TEAD2: variants seen among roughly 807,000 people sequenced by gnomAD.
The protein encoded by TEAD2 is TEA domain transcription factor 2.
Under a neutral mutation model 61.4 loss-of-function variants are expected in TEAD2, and 51 were observed. The observed-to-expected ratio is 0.83, with a 90% CI of 0.66 to 1.05. The LOEUF (loss-of-function observed/expected upper bound fraction) is 1.05, where lower values mean the gene tolerates loss of function less well. Ranked by LOEUF, TEAD2 falls within the 50% of genes least tolerant of loss-of-function variation. The probability of loss-of-function intolerance (pLI) is 0.00; values close to 1 mark genes in which losing one functional copy is unlikely to be tolerated. For missense variants in TEAD2, 509 were observed against 600.0 expected, an observed-to-expected ratio of 0.85 and a Z score of 1.58; for synonymous variants, 244 against 243.2, an observed-to-expected ratio of 1.00 and a Z score of -0.03.
chr19:49,342,227 A>ACCCCATCAGTT (rs1555781361), intron 12 of TEAD2, among the ~76,000 whole-genome samples: 1 of 151,106 alleles, frequency 6.6e-6, no homozygotes, highest in Non-Finnish European at 1.5e-5. Flanking sequence ...TGACATCCCC[A>ACCCCATCAGTT]CCCTGGGTGA....
chr19:49,355,278 G>T (rs777294428), intron 6 of TEAD2, 34 bp downstream of exon 6: 5 of 1,613,306 alleles, frequency 3.1e-6, no homozygotes, highest in Middle Eastern at 1.7e-4. Flanking sequence ...ATCCCCCTTT[G>T]CCCCCACGTC....
chr19:49,345,307 CTTCT>C (rs1018716008), intron 10 of TEAD2, among the ~76,000 whole-genome samples: 15 of 150,242 alleles, frequency 1.0e-4, no homozygotes, highest in African/African-American at 2.7e-4. Flanking sequence ...TCCTTCCTTC[CTTCT>C]TTCTTTCCTT....
At chr19:49,349,563 TC>T (rs143756258) in intron 8 of TEAD2, among the ~76,000 whole-genome samples, 2,668 of 152,124 alleles carry the variant, frequency 0.018, 74 homozygotes, top group African/African-American at 0.055. Context: ...CTTGGTGCCT[TC>T]CCCATAGTAA....
At chr19:49,357,362 T>C (rs1207275050) in intron 3 of TEAD2, 48 bp from the exon 4 acceptor site, 1 of 1,582,858 alleles carries the variant, frequency 6.3e-7, no homozygotes, top group East Asian at 2.2e-5. Flanking sequence ...CCACCGCCCC[T>C]GTGTTCACTA....
chr19:49,355,087 A>AG (rs1972294030), intron 7 of TEAD2, 61 bp downstream of exon 7: 2 of 1,350,898 alleles, frequency 1.5e-6, no homozygotes, highest in South Asian at 2.5e-5. Flanking sequence ...GGAGTGAGAA[A>AG]GGTCTCTGTG....
intron 7 of TEAD2, among the ~76,000 whole-genome samples, chr19:49,353,137 T>C (rs1025497787): frequency 2.6e-5 from 4 of 151,970 alleles, no homozygotes; most frequent in African/African-American, 7.3e-5. Context: ...CTCGCTCTGT[T>C]GCCCAGGCTG....
At chr19:49,357,368 C>T in intron 3 of TEAD2, 54 bp from the exon 4 acceptor site, 2 of 1,570,804 alleles carry the variant, frequency 1.3e-6, no homozygotes, top group South Asian at 2.2e-5. Context: ...CCCCTGTGTT[C>T]ACTACCCCTT....
At chr19:49,353,616 C>T (rs1413292002) in intron 7 of TEAD2, among the ~76,000 whole-genome samples, 4 of 152,136 alleles carry the variant, frequency 2.6e-5, no homozygotes, top group Non-Finnish European at 5.9e-5. Flanking sequence ...ACCCCAGCGT[C>T]AGGGCAGTGC....
At chr19:49,351,507 G>A in intron 7 of TEAD2, 142 bp from the exon 8 acceptor site, 1 of 725,268 alleles carries the variant, frequency 1.4e-6, no homozygotes, top group Non-Finnish European at 2.3e-6. Flanking sequence ...CGTGAGGTAG[G>A]TAGAATGACT....
intron 9 of TEAD2, among the ~76,000 whole-genome samples, chr19:49,347,621 C>T (rs922478145): frequency 2.0e-5 from 3 of 152,142 alleles, no homozygotes; most frequent in African/African-American, 7.2e-5. Context: ...CTCAGCCTCA[C>T]CTCAGGCCTC....
chr19:49,343,707 C>T (rs1971449031), intron 10 of TEAD2, among the ~76,000 whole-genome samples: 1 of 151,416 alleles, frequency 6.6e-6, no homozygotes. Context: ...CATTGCACTC[C>T]AGCCTGAGCA....
intron 9 of TEAD2, among the ~76,000 whole-genome samples, chr19:49,348,019 A>G (rs1405241566): frequency 1.3e-5 from 2 of 152,190 alleles, no homozygotes; most frequent in African/African-American, 2.4e-5. Context: ...GAGAGTCGAC[A>G]CATCCAAGTC....
chr19:49,357,368 C>CA lies in TEAD2; in HGVS notation c.298-55dup, dbSNP rs755140136. On this transcript the variant is annotated intron_variant, in intron 3 of 12. Coordinates refer to ENST00000593945, the MANE Select transcript of TEAD2 (RefSeq NM_001256660.2). ...AGGCCACAGCCACCGCCCCTGTGTT[C>CA]ACTACCCCTTCTCTCCCTCCAGGTG... 54 of 1,570,804 alleles carry CA rather than the reference C, an allele frequency of 3.4e-5. No individual in the cohort carries two copies. The East Asian group carries it at 5.2e-4, about 15-fold the overall frequency.
Position 49,357,357 on chromosome 19 carries a change from G to A in TEAD2, c.298-43C>T, listed in dbSNP as rs367976089. 61 of 1,598,576 alleles carry A rather than the reference G, an allele frequency of 3.8e-5. No homozygotes were observed. In the African/African-American group the frequency reaches 5.5e-4, roughly 14 times the overall value. On this transcript the variant is annotated intron_variant, in intron 3 of 12. Coordinates refer to ENST00000593945, the MANE Select transcript of TEAD2 (RefSeq NM_001256660.2). ...GAAGCAGATTCAGGCCACAGCCACC[G>A]CCCCTGTGTTCACTACCCCTTCTCT...
At position 49,359,524 on chromosome 19, in the gene TEAD2, G is replaced by A; in HGVS notation, c.233-25C>T. 2 of 1,613,290 alleles carry A rather than the reference G, an allele frequency of 1.2e-6. No homozygotes were observed. Among genetic ancestry groups the A allele is most frequent in the South Asian group, 1.1e-5 (1 of 91,010 alleles). On this transcript the variant is annotated intron_variant, in intron 2 of 12. Coordinates refer to ENST00000593945, the MANE Select transcript of TEAD2 (RefSeq NM_001256660.2). This position sits in a 1 kb window ranked among gnomAD's most constrained non-coding sequence, Gnocchi z 4.1. ...CCTGAAGATTCAAAGACGGAACAGA[G>A]TTAGTTAGACTTTCAACAGAACTTC...
rs1971266326 is a variant in TEAD2 at position 49,341,592 on chromosome 19, G to A, written c.1243-155C>T. ...ATCATGTTCCCCAGGAGAAAGGGAT[G>A]CCCAAAAGTCAGTTCCCTGGGCAAT... On this transcript the variant is annotated intron_variant, in intron 12 of 12. Coordinates refer to ENST00000593945, the MANE Select transcript of TEAD2 (RefSeq NM_001256660.2). This position sits in a 1 kb window ranked among gnomAD's most constrained non-coding sequence, Gnocchi z 4.2. Among the ~76,000 whole-genome samples the A allele has an allele frequency of 6.6e-6, 1 of 152,164 alleles. No homozygotes were observed. Among genetic ancestry groups the A allele is most frequent in the African/African-American group, 2.4e-5 (1 of 41,436 alleles).
rs1971214668 is a variant in TEAD2, at chr19:49,340,865, T to C, written c.*459A>G. The C allele has an allele frequency of 1.5e-5, 3 of 202,892 alleles. No individual in the cohort carries two copies. In the South Asian group the frequency reaches 2.5e-4, roughly 17 times the overall value. The allele number at this position is 202,892 out of a possible 1,614,324, so 12.6% of individuals were successfully genotyped here. A position where few individuals can be genotyped will look rare whatever the true frequency, so the allele number is the denominator to read the frequency against. ...CTTCACTTTGTGATCTCACAGGTCATGGAGTGAGGGTGGTAGAGAGGGGCA... is the reference window on the plus strand; with the variant it reads ...CTTCACTTTGTGATCTCACAGGTCACGGAGTGAGGGTGGTAGAGAGGGGCA... On this transcript the variant is annotated 3_prime_UTR_variant, in exon 13 of 13. Transcript: ENST00000593945.
At chr19:49,357,208 C>T (rs764690373) in intron 4 of TEAD2, 44 bp downstream of exon 4, 1 of 1,578,594 alleles carries the variant, frequency 6.3e-7, no homozygotes, top group Non-Finnish European at 8.7e-7. Flanking sequence ...GTCCCCCACC[C>T]CCAGTCTCTG....
At position 49,347,305 on chromosome 19, in the gene TEAD2, G is replaced by C; in HGVS notation, c.806C>G (p.Pro269Arg). 3.7e-6 allele frequency: 6 copies of C among 1,613,670 alleles called. No homozygotes were observed. The highest frequency in any genetic ancestry group is 5.1e-6 in the Non-Finnish European group (6 of 1,180,014). ...SQHCPSPGAP[P>R]LESVDVRQIY... ...CTGCCGGACGTCCACACTCTCGAGC[G>C]GCGGCGCTCCGGGGCTGGGGCAGTG... The change falls in exon 10 of 13, where the codon CCG (proline) becomes CGG (arginine). Residue 269 changes from proline to arginine, a missense_variant. Transcript: ENST00000593945.
Sources: allele counts gnomAD v4.1 joint callset (sites outside exome capture counted in the v4.1 genomes callset), GRCh38; gene constraint gnomAD v4.1.1; non-coding constraint Gnocchi (gnomAD v3.1); transcripts MANE v1.5; gene names NCBI Gene and HGNC (gene_info 2026-07-23, HGNC 2026-07-21).